The following ZDHHC11 variants were observed in gnomAD, a reference collection of about 807,000 sequenced individuals.
ZDHHC11 encodes the protein zDHHC palmitoyltransferase 11.
ZDHHC11 carries 44 observed loss-of-function variants against 51.3 expected under a neutral mutation model. The observed-to-expected ratio is 0.86, with a 90% CI of 0.67 to 1.10. The LOEUF (loss-of-function observed/expected upper bound fraction) is 1.10. Among genes scored for constraint, ZDHHC11 ranks in the 50% least tolerant of loss-of-function variants. The pLI is 0.00. For missense variants in ZDHHC11, 400 were observed against 537.7 expected, an observed-to-expected ratio of 0.74 and a Z score of 2.53; for synonymous variants, 163 against 222.0, an observed-to-expected ratio of 0.73 and a Z score of 2.36.
chr5:836,303 G>A (rs189952124), intron 6 of ZDHHC11, among the ~76,000 whole-genome samples: 13 of 150,472 alleles, frequency 8.6e-5, no homozygotes, highest in Non-Finnish European at 1.5e-4. Context: ...TTGGACTAAC[G>A]TGCTGAGCTG....
At chr5:827,167 A>G (rs987442586) in intron 7 of ZDHHC11, among the ~76,000 whole-genome samples, 1 of 150,026 alleles carries the variant, frequency 6.7e-6, no homozygotes, top group Non-Finnish European at 1.5e-5. Flanking sequence ...CTGTTTCAGA[A>G]CAACAAATGC....
intron 9 of ZDHHC11, among the ~76,000 whole-genome samples, chr5:820,741 A>G (rs748807730): frequency 5.9e-5 from 9 of 151,550 alleles, no homozygotes; most frequent in Non-Finnish European, 1.2e-4. Flanking sequence ...AACTGGACAA[A>G]GTCATCTGAA....
chr5:837,837 T>A (rs1394694799), intron 5 of ZDHHC11, among the ~76,000 whole-genome samples: 1 of 151,952 alleles, frequency 6.6e-6, no homozygotes, highest in Non-Finnish European at 1.5e-5. Flanking sequence ...GAGAGGTTGC[T>A]CCAGATCCCC....
intron 11 of ZDHHC11, among the ~76,000 whole-genome samples, chr5:812,684 T>G (rs1201505451): frequency 1.3e-5 from 2 of 151,446 alleles, no homozygotes; most frequent in Admixed American, 6.6e-5. Context: ...TTTTAAGTGT[T>G]CCACAGAAAC....
chr5:836,620 T>C lies in ZDHHC11; in HGVS notation c.900+745A>G, dbSNP rs1453836419. Among the ~76,000 whole-genome samples the C allele has an allele frequency of 6.0e-5, 9 of 149,716 alleles. No individual in the cohort carries two copies. In the South Asian group the frequency reaches 1.9e-3, roughly 32 times the overall value. On this transcript the variant is annotated intron_variant, in intron 6 of 12. Transcript: ENST00000283441. ...ATTCATGCATGAAGACTACAGGGCC[T>C]GGGATTTTTCTTCACTGGGAGATTT...
At chr5:839,549 GGT>G (rs1223319513) in intron 5 of ZDHHC11, 1 of 150,242 alleles carries the variant, frequency 6.7e-6, no homozygotes, top group Non-Finnish European at 1.5e-5. Context: ...ATGCGTTAGA[GGT>G]GTGTGTTTTA....
At chr5:828,437 C>T (rs1266567579) in intron 7 of ZDHHC11, among the ~76,000 whole-genome samples, 2 of 149,924 alleles carry the variant, frequency 1.3e-5, no homozygotes, top group Non-Finnish European at 3.0e-5. Flanking sequence ...CTGGACGGGG[C>T]GGCCGGCCGG....
chr5:815,492 T>C (rs1740666639), intron 10 of ZDHHC11, among the ~76,000 whole-genome samples: 4 of 151,682 alleles, frequency 2.6e-5, no homozygotes, highest in Admixed American at 2.6e-4. Context: ...GCATCATCTT[T>C]CATCCCCATG....
At chr5:823,834 C>A (rs1368185385) in intron 8 of ZDHHC11, 1 of 344,338 alleles carries the variant, frequency 2.9e-6, no homozygotes, top group Non-Finnish European at 5.8e-6. Context: ...TCAACGTGGA[C>A]AAACACAGGC....
At chr5:813,350 A>G (rs1561241869) in intron 11 of ZDHHC11, among the ~76,000 whole-genome samples, 1 of 142,140 alleles carries the variant, frequency 7.0e-6, no homozygotes, top group Non-Finnish European at 1.5e-5. Context: ...AAATAAAAAA[A>G]TAAATGTTCC....
chr5:834,096 C>G (rs1414149635), intron 6 of ZDHHC11, among the ~76,000 whole-genome samples: 2 of 152,150 alleles, frequency 1.3e-5, no homozygotes, highest in South Asian at 2.1e-4. Context: ...TTAACTCCCA[C>G]TAGCAAAAAA....
intron 12 of ZDHHC11, 78 bp from the exon 13 acceptor site, chr5:796,658 G>A (rs1428811847): frequency 1.4e-4 from 21 of 151,752 alleles, no homozygotes; most frequent in African/African-American, 3.9e-4. Flanking sequence ...GAAACCCACC[G>A]GTGGCTTTTA....
At position 808,871 on chromosome 5, in the gene ZDHHC11, T is replaced by C. The variant is rs111300893; in HGVS notation, c.1181+5890A>G. The stretch of plus-strand genomic sequence containing the variant: ...TGCCACTACGCCTGGCTAATCCTTT[T>C]GTATTTTTAGTAGAGACAGGGTTTC... On this transcript the variant is annotated intron_variant, in intron 11 of 12. Coordinates refer to ENST00000283441, the MANE Select transcript of ZDHHC11 (RefSeq NM_024786.3). Among the ~76,000 whole-genome samples, 3 of 146,914 alleles carry C rather than the reference T, an allele frequency of 2.0e-5. No homozygotes were observed. In the East Asian group the frequency reaches 6.0e-4, roughly 30 times the overall value.
chr5:808,580 G>C (rs1739618862), intron 11 of ZDHHC11, among the ~76,000 whole-genome samples: 1 of 149,732 alleles, frequency 6.7e-6, no homozygotes, highest in African/African-American at 2.4e-5. Flanking sequence ...CTGTCACCCA[G>C]GCTGGAGTGC....
At chr5:821,163 C>G (rs1232060311) in intron 9 of ZDHHC11, 2 of 151,508 alleles carry the variant, frequency 1.3e-5, no homozygotes, top group African/African-American at 4.8e-5. Flanking sequence ...CCCCTTGGCT[C>G]TCTGCTGCTC....
intron 12 of ZDHHC11, among the ~76,000 whole-genome samples, chr5:800,082 C>T (rs1032318650): frequency 6.6e-6 from 1 of 151,378 alleles, no homozygotes; most frequent in Non-Finnish European, 1.5e-5. Context: ...ACCATGAGTC[C>T]TACCCTCTTG....
chr5:847,346 G>A (rs1382436710), intron 3 of ZDHHC11, among the ~76,000 whole-genome samples, 168 bp downstream of exon 3: 3 of 151,760 alleles, frequency 2.0e-5, no homozygotes, highest in Non-Finnish European at 2.9e-5. Flanking sequence ...CCCAGAGCCA[G>A]ACAGGAGGCC....
At chr5:814,916 T>C in intron 10 of ZDHHC11, 121 bp from the exon 11 acceptor site, 1 of 1,029,906 alleles carries the variant, frequency 9.7e-7, no homozygotes, top group Non-Finnish European at 1.3e-6. Flanking sequence ...CAAGAATGCC[T>C]GGATCATGGA....
At chr5:804,650 G>A (rs1738987606) in intron 11 of ZDHHC11, among the ~76,000 whole-genome samples, 1 of 151,222 alleles carries the variant, frequency 6.6e-6, no homozygotes, top group African/African-American at 2.4e-5. Flanking sequence ...AAAATTATCA[G>A]GTGATTTCTC....
Sources: gnomAD v4.1 joint callset for allele counts (sites outside exome capture counted in the v4.1 genomes callset) on GRCh38, gnomAD v4.1.1 for gene constraint, MANE v1.5 for transcripts, NCBI Gene and HGNC (gene_info 2026-07-23, HGNC 2026-07-21) for gene names.